SPINDOC: variants seen among roughly 807,000 people sequenced by gnomAD.
The protein encoded by SPINDOC is spindlin interactor and repressor of chromatin-binding protein.
SPINDOC carries 13 observed loss-of-function variants against 30.7 expected under a neutral mutation model. The observed-to-expected ratio is 0.42, with a 90% CI of 0.28 to 0.67. The LOEUF (loss-of-function observed/expected upper bound fraction) is 0.67. SPINDOC is among the 30% of genes least tolerant of loss of function. The pLI is 0.22. For missense variants in SPINDOC, 438 were observed against 518.0 expected, an observed-to-expected ratio of 0.85 and a Z score of 1.50; for synonymous variants, 228 against 211.4, an observed-to-expected ratio of 1.08 and a Z score of -0.68.
chr11:63,823,521 G>C lies in SPINDOC; in HGVS notation c.935-3407G>C, dbSNP rs1224333725. 6 of 234,108 alleles carry C rather than the reference G, an allele frequency of 2.6e-5. No individual in the cohort carries two copies. In the Admixed American group the frequency reaches 3.1e-4, roughly 12 times the overall value. The allele number at this position is 234,108 out of a possible 1,614,324, so 14.5% of individuals were successfully genotyped here. A position where few individuals can be genotyped will look rare whatever the true frequency, so the allele number is the denominator to read the frequency against. On this transcript the variant is annotated intron_variant, in intron 5 of 5. Transcript: ENST00000294244. ...AGAGGAGGATGGGGAGAGTGTGCAG[G>C]CCAGGAGAGGAGGTGGGCCACAATG...
chr11:63,814,216 C>T, intron 1 of SPINDOC, among the ~76,000 whole-genome samples: 1 of 152,226 alleles, frequency 6.6e-6, no homozygotes, highest in East Asian at 1.9e-4. Context: ...GTGTTCTAGT[C>T]CGAGGGGCGG....
intron 5 of SPINDOC, among the ~76,000 whole-genome samples, 180 bp downstream of exon 5, chr11:63,819,182 G>A (rs1313837959): frequency 2.6e-5 from 4 of 152,202 alleles, no homozygotes; most frequent in Non-Finnish European, 4.4e-5. Flanking sequence ...TGATGAGGAA[G>A]GCTGGCCTGA....
chr11:63,816,436 G>A (rs1404896500), intron 1 of SPINDOC, among the ~76,000 whole-genome samples: 1 of 152,060 alleles, frequency 6.6e-6, no homozygotes, highest in African/African-American at 2.4e-5. Context: ...AGACTAGTAG[G>A]GAAGAAAGCT....
chr11:63,826,180 C>T (rs2015650818), intron 5 of SPINDOC, among the ~76,000 whole-genome samples: 1 of 152,182 alleles, frequency 6.6e-6, no homozygotes, highest in Admixed American at 6.5e-5. Flanking sequence ...AAGTGATCTG[C>T]TCACCCTGGC....
At position 63,818,289 on chromosome 11, in the gene SPINDOC, TCTC is replaced by T; in HGVS notation, c.534_536del (p.Leu179del). 6.2e-7 allele frequency: 1 copy of T among 1,613,748 alleles called. No individual in the cohort carries two copies. Among genetic ancestry groups the T allele is most frequent in the East Asian group, 2.2e-5 (1 of 44,820 alleles). On this transcript the variant is annotated inframe_deletion, in exon 3 of 6. Transcript: ENST00000294244. This position sits in a 1 kb window ranked among gnomAD's most constrained non-coding sequence, Gnocchi z 5.3. Reference sequence around the variant, plus strand: ...CCAGAATGCCAGCCGAAATCGTCGTTCTCCTTGACTCTGAGGATAACCCATCCC... The same window carrying T: ...CCAGAATGCCAGCCGAAATCGTCGTTCTTGACTCTGAGGATAACCCATCCC...
At chr11:63,821,923 A>AT (rs2015532571) in intron 5 of SPINDOC, among the ~76,000 whole-genome samples, 1 of 152,078 alleles carries the variant, frequency 6.6e-6, no homozygotes, top group Non-Finnish European at 1.5e-5. Context: ...TAATTCTTAA[A>AT]TTTTTTGTAG....
chr11:63,813,592 C>T lies in SPINDOC; in HGVS notation c.-95C>T, dbSNP rs1288120435. ...TGCGCGGGGCGGGCGGCGGGCCCGG[C>T]GCTATTCCGGCCAGGAGGCGGGAGG... On this transcript the variant is annotated 5_prime_UTR_variant, in exon 1 of 6. Transcript: ENST00000294244. The T allele has an allele frequency of 3.3e-6, 4 of 1,195,462 alleles. No individual in the cohort carries two copies. In the African/African-American group the frequency reaches 4.9e-5, roughly 15 times the overall value. The allele number at this position is 1,195,462 out of a possible 1,614,324, so 74.1% of individuals were successfully genotyped here. A position where few individuals can be genotyped will look rare whatever the true frequency, so the allele number is the denominator to read the frequency against.
Position 63,818,756 on chromosome 11 carries a change from T to C in SPINDOC, c.734-46T>C. ...GGCCTGGGCGCAGGGCGCCTGCAGC[T>C]CCTGAGGCTTTTTCACTCACAGTTC... On this transcript the variant is annotated intron_variant, in intron 4 of 5. Transcript: ENST00000294244. This position sits in a 1 kb window ranked among gnomAD's most constrained non-coding sequence, Gnocchi z 5.3. 3 of 1,612,340 alleles carry C rather than the reference T, an allele frequency of 1.9e-6. No homozygotes were observed. The highest frequency in any genetic ancestry group is 2.5e-6 in the Non-Finnish European group (3 of 1,179,494).
intron 5 of SPINDOC, among the ~76,000 whole-genome samples, chr11:63,824,135 C>G (rs971543230): frequency 6.6e-6 from 1 of 151,904 alleles, no homozygotes; most frequent in African/African-American, 2.4e-5. Flanking sequence ...GTCTCAAACT[C>G]CTGACCTCGG....
intron 1 of SPINDOC, among the ~76,000 whole-genome samples, chr11:63,814,535 G>T (rs2015288001): frequency 6.6e-6 from 1 of 152,176 alleles, no homozygotes; most frequent in African/African-American, 2.4e-5. Flanking sequence ...TCAGGAGCTT[G>T]CAAACCGTAA....
Position 63,826,994 on chromosome 11 carries a change from C to T in SPINDOC, c.1001C>T (p.Pro334Leu), listed in dbSNP as rs753586837. 3.7e-6 allele frequency: 6 copies of T among 1,613,838 alleles called. No homozygotes were observed. The highest frequency in any genetic ancestry group is 5.1e-6 in the Non-Finnish European group (6 of 1,179,746). Residue 334 changes from proline to leucine, a missense_variant, in exon 6 of 6, where the codon CCA becomes CTA. Transcript: ENST00000294244. ...QVIRVRMEEP[P>L]AVSLLQDWSR... ...ATCCGCGTGCGGATGGAGGAGCCCCCAGCGGTCAGCCTCCTGCAAGACTGG... is the reference window on the plus strand; with the variant it reads ...ATCCGCGTGCGGATGGAGGAGCCCCTAGCGGTCAGCCTCCTGCAAGACTGG...
chr11:63,824,355 C>T (rs1168635341), intron 5 of SPINDOC, among the ~76,000 whole-genome samples: 4 of 152,128 alleles, frequency 2.6e-5, no homozygotes, highest in African/African-American at 7.2e-5. Context: ...TTTCTCTTGC[C>T]GCTCACTCTC....
chr11:63,821,748 C>T (rs1381321994), intron 5 of SPINDOC, among the ~76,000 whole-genome samples: 1 of 152,106 alleles, frequency 6.6e-6, no homozygotes, highest in Admixed American at 6.5e-5. Flanking sequence ...TCTCAAAAAG[C>T]AGGTGTGCTT....
In SPINDOC at chr11:63,818,885, G is replaced by A. The variant is rs756976251; in HGVS notation, c.817G>A (p.Gly273Ser). The A allele has an allele frequency of 1.2e-6, 2 of 1,614,088 alleles. No homozygotes were observed. Among genetic ancestry groups the A allele is most frequent in the Non-Finnish European group, 1.7e-6 (2 of 1,180,022 alleles). Reference protein sequence around the residue: ...RHFTDGSFPAGFVLQLFSHTQ... With the variant: ...RHFTDGSFPASFVLQLFSHTQ... ...CTTCACTGACGGCAGCTTCCCCGCC[G>A]GCTTCGTCTTGCAGCTCTTCTCCCA... is the stretch of plus-strand genomic sequence containing the variant. Residue 273 changes from glycine to serine, a missense_variant, in exon 5 of 6, where the codon GGC (glycine) becomes AGC (serine). Gly to Ser is a moderately conservative substitution (Grantham distance 56, BLOSUM62 0). Coordinates refer to ENST00000294244, the MANE Select transcript of SPINDOC (RefSeq NM_138471.3). This position sits in a 1 kb window ranked among gnomAD's most constrained non-coding sequence, Gnocchi z 5.3.
Position 63,823,255 on chromosome 11 carries a change from T to C in SPINDOC, c.935-3673T>C. On this transcript the variant is annotated intron_variant, in intron 5 of 5. Coordinates refer to ENST00000294244, the MANE Select transcript of SPINDOC (RefSeq NM_138471.3). Reference sequence around the variant, plus strand: ...CTCACGAACCCAAAGCTTGGACAGATTTCTCAGAAACCTGTGAGGCTTCGA... The same window carrying C: ...CTCACGAACCCAAAGCTTGGACAGACTTCTCAGAAACCTGTGAGGCTTCGA... 3 of 1,282,990 alleles carry C rather than the reference T, an allele frequency of 2.3e-6. No homozygotes were observed. In the South Asian group the frequency reaches 3.7e-5, roughly 16 times the overall value. 79.5% of individuals were successfully genotyped at this position (1,282,990 alleles called of 1,614,324 possible).
rs746845347 is a variant in SPINDOC, at chr11:63,826,944, C to T, written c.951C>T (p.Leu317=). Residue 317 remains leucine, a synonymous_variant, in exon 6 of 6, where the codon CTC becomes CTT. Coordinates refer to ENST00000294244, the MANE Select transcript of SPINDOC (RefSeq NM_138471.3). ...CCTGCCCAGCTCCCCCTCCGGGGCT[C>T]CGCGGGACACTGGATCTCCAGGTTA... ...ESPSPAPPPG[L]RGTLDLQVIR... 6.4e-7 allele frequency: 1 copy of T among 1,572,458 alleles called. No homozygotes were observed. The highest frequency in any genetic ancestry group is 8.7e-7 in the Non-Finnish European group (1 of 1,143,376).
chr11:63,817,840 A>G lies in SPINDOC; in HGVS notation c.163A>G (p.Ser55Gly). Residue 55 changes from serine to glycine, a missense_variant, in exon 2 of 6, where the codon AGC becomes GGC. By Grantham distance (56) the Ser-to-Gly change is moderately conservative (BLOSUM62 0). Transcript: ENST00000294244. The stretch of plus-strand genomic sequence containing the variant: ...GGAGAAGACCCCACCGCCTAGACCC[A>G]GCCCGCTAGAGGCAGGCAGTGATGG... ...QQEKTPPPRPSPLEAGSDGCE... is the reference protein window; with the variant it reads ...QQEKTPPPRPGPLEAGSDGCE... 6.2e-7 allele frequency: 1 copy of G among 1,604,748 alleles called. No homozygotes were observed. Among genetic ancestry groups the G allele is most frequent in the Non-Finnish European group, 8.5e-7 (1 of 1,175,716 alleles).
At chr11:63,826,450 G>C (rs770250987) in intron 5 of SPINDOC, among the ~76,000 whole-genome samples, 1 of 152,072 alleles carries the variant, frequency 6.6e-6, no homozygotes, top group Non-Finnish European at 1.5e-5. Flanking sequence ...GTTCGCCAGG[G>C]GTCTTTTCTG....
At chr11:63,817,580 C>G (rs897678709) in intron 1 of SPINDOC, among the ~76,000 whole-genome samples, 14 of 152,082 alleles carry the variant, frequency 9.2e-5, no homozygotes, top group African/African-American at 2.9e-4. Flanking sequence ...AGGTCCAAGA[C>G]TAGATCAAGA....
Sources: gnomAD v4.1 joint callset for allele counts (sites outside exome capture counted in the v4.1 genomes callset) on GRCh38, gnomAD v4.1.1 for gene constraint, Gnocchi (gnomAD v3.1) non-coding constraint, MANE v1.5 for transcripts, NCBI Gene and HGNC (gene_info 2026-07-23, HGNC 2026-07-21) for gene names.